The following LOC128092252 variants were observed in gnomAD, a reference collection of about 807,000 sequenced individuals.
At chr15:50,667,215 A>C in the LOC128092252 span, among the ~76,000 whole-genome samples, 1 of 152,136 alleles carries the variant, frequency 6.6e-6, no homozygotes, top group Non-Finnish European at 1.5e-5. Context: ...GGCCCCCTAG[A>C]AGCTGTGCCT....
chr15:50,674,304 G>C, the LOC128092252 span, among the ~76,000 whole-genome samples: 1 of 151,822 alleles, frequency 6.6e-6, no homozygotes, highest in East Asian at 1.9e-4. Flanking sequence ...GCTAATTTTT[G>C]TATTTTTAGT....
At chr15:50,670,886 T>C in the LOC128092252 span, among the ~76,000 whole-genome samples, 2 of 151,832 alleles carry the variant, frequency 1.3e-5, no homozygotes, top group East Asian at 1.9e-4. Context: ...CAAAACATAT[T>C]AAGTAGGCCA....
the LOC128092252 span, among the ~76,000 whole-genome samples, chr15:50,685,945 G>C: frequency 6.6e-6 from 1 of 152,036 alleles, no homozygotes; most frequent in African/African-American, 2.4e-5. Context: ...AAAGAAAAAA[G>C]ATCTACCATC....
the LOC128092252 span, chr15:50,686,506 G>T: frequency 1.2e-5 from 19 of 1,613,744 alleles, no homozygotes; most frequent in Non-Finnish European, 1.6e-5. Flanking sequence ...ACCATTCCCC[G>T]CCCGGGCCTG....
chr15:50,655,521 C>A, the LOC128092252 span, among the ~76,000 whole-genome samples: 1 of 147,090 alleles, frequency 6.8e-6, no homozygotes, highest in Non-Finnish European at 1.5e-5. Context: ...AGAATAAGTA[C>A]AAAGAGAATC....
the LOC128092252 span, among the ~76,000 whole-genome samples, chr15:50,670,804 GAAAAAGA>G: frequency 1.3e-5 from 1 of 75,976 alleles, no homozygotes; most frequent in African/African-American, 5.2e-5. Context: ...GTAAAAAAAA[GAAAAAGA>G]AAAAAAAAAA....
At chr15:50,678,021 C>T in the LOC128092252 span, among the ~76,000 whole-genome samples, 2 of 151,716 alleles carry the variant, frequency 1.3e-5, no homozygotes, top group East Asian at 1.9e-4. Flanking sequence ...GGGCGGATCA[C>T]GAGGTCAGGA....
the LOC128092252 span, among the ~76,000 whole-genome samples, chr15:50,661,029 G>A: frequency 6.6e-6 from 1 of 150,706 alleles, no homozygotes; most frequent in Non-Finnish European, 1.5e-5. Context: ...AGGCTGGAGT[G>A]CAGCAGTGTG....
the LOC128092252 span, among the ~76,000 whole-genome samples, chr15:50,671,471 T>A: frequency 6.6e-6 from 1 of 152,290 alleles, no homozygotes; most frequent in Non-Finnish European, 1.5e-5. Flanking sequence ...GGACCGCATA[T>A]TTAACAGTGG....
chr15:50,662,994 A>G, the LOC128092252 span: 1 of 1,613,774 alleles, frequency 6.2e-7, no homozygotes, highest in Non-Finnish European at 8.5e-7. Context: ...ACTTGGTATA[A>G]TATATACACA....
At chr15:50,679,521 T>TATATTATATATATGTGTATATATATA in the LOC128092252 span, among the ~76,000 whole-genome samples, 50 of 22,188 alleles carry the variant, frequency 2.3e-3, 1 homozygote, top group African/African-American at 6.1e-3. Context: ...AATATATATA[T>TATATTATATATATGTGTATATATATA]ATATATATAT....
the LOC128092252 span, among the ~76,000 whole-genome samples, chr15:50,676,831 T>C: frequency 6.6e-6 from 1 of 152,126 alleles, no homozygotes; most frequent in Non-Finnish European, 1.5e-5. Context: ...ATGGGAAAGT[T>C]TCCGCAAGAG....
the LOC128092252 span, among the ~76,000 whole-genome samples, chr15:50,672,320 T>C: frequency 7.9e-5 from 12 of 152,094 alleles, no homozygotes; most frequent in African/African-American, 2.9e-4. Context: ...CCTCCCAAAG[T>C]GCTAGGATTA....
the LOC128092252 span, among the ~76,000 whole-genome samples, chr15:50,676,330 A>G: frequency 6.6e-6 from 1 of 152,120 alleles, no homozygotes; most frequent in African/African-American, 2.4e-5. Context: ...ACATTCTATG[A>G]TTATATATAT....
the LOC128092252 span, among the ~76,000 whole-genome samples, chr15:50,673,092 T>C: frequency 6.8e-6 from 1 of 147,140 alleles, no homozygotes; most frequent in Non-Finnish European, 1.5e-5. Flanking sequence ...AAAAATACTT[T>C]TTATAAATTT....
chr15:50,676,140 A>G, the LOC128092252 span, among the ~76,000 whole-genome samples: 14 of 152,202 alleles, frequency 9.2e-5, no homozygotes, highest in Non-Finnish European at 1.3e-4. Flanking sequence ...CCAGTCTACC[A>G]GCAATAAGGG....
chr15:50,679,521 T>TA, the LOC128092252 span, among the ~76,000 whole-genome samples: 1 of 22,224 alleles, frequency 4.5e-5, no homozygotes, highest in South Asian at 2.0e-3. Context: ...AATATATATA[T>TA]ATATATATAT....
the LOC128092252 span, among the ~76,000 whole-genome samples, chr15:50,678,386 A>G: frequency 6.6e-6 from 1 of 151,724 alleles, no homozygotes; most frequent in Non-Finnish European, 1.5e-5. Context: ...ACAATGACAA[A>G]TAAGACTAGC....
At chr15:50,660,343 A>T in the LOC128092252 span, among the ~76,000 whole-genome samples, 1 of 152,146 alleles carries the variant, frequency 6.6e-6, no homozygotes. Context: ...CAAATTTAAA[A>T]TATATACTAT....
Sources: allele counts gnomAD v4.1 joint callset (sites outside exome capture counted in the v4.1 genomes callset), GRCh38; gene constraint gnomAD v4.1.1; transcripts MANE v1.5.